Variants in DLG1 observed in about 807,000 individuals in gnomAD.
The protein encoded by DLG1 is discs large MAGUK scaffold protein 1.
Under a neutral mutation model 123.4 loss-of-function variants are expected in DLG1, and 42 were observed. The observed-to-expected ratio is 0.34, with a 90% CI of 0.27 to 0.44. The LOEUF is 0.44. Among genes scored for constraint, DLG1 ranks in the 20% least tolerant of loss-of-function variants. The pLI is 1.00. For synonymous variants in DLG1, 317 were observed against 356.2 expected (o/e 0.89, Z 1.24); for missense variants, 942 against 1,082.6 (o/e 0.87, Z 1.82).
At chr3:197,115,767 T>C (rs1040428709) in intron 13 of DLG1, among the ~76,000 whole-genome samples, 160 bp downstream of exon 13, 8 of 152,212 alleles carry the variant, frequency 5.3e-5, no homozygotes, top group African/African-American at 1.4e-4. Context: ...TATTATATAA[T>C]ATGTTCTCTG....
At chr3:197,247,333 G>A (rs551509645) in intron 4 of DLG1, among the ~76,000 whole-genome samples, 1 of 152,302 alleles carries the variant, frequency 6.6e-6, no homozygotes, top group African/African-American at 2.4e-5. Context: ...AACTGAGTGA[G>A]GAGATTCCTG....
intron 5 of DLG1, among the ~76,000 whole-genome samples, chr3:197,184,825 A>T (rs1714852200): frequency 6.6e-6 from 1 of 152,232 alleles, no homozygotes; most frequent in Admixed American, 6.5e-5. Context: ...ACCAAATACT[A>T]TCACCTGATT....
chr3:197,221,063 C>T (rs114928475), intron 4 of DLG1, among the ~76,000 whole-genome samples: 6,408 of 152,124 alleles, frequency 0.042, 185 homozygotes, highest in Non-Finnish European at 0.056. Context: ...CTTAAGTTAC[C>T]TATTAGTGCT....
At chr3:197,131,030 T>A (rs531078964) in intron 10 of DLG1, among the ~76,000 whole-genome samples, 1 of 152,350 alleles carries the variant, frequency 6.6e-6, no homozygotes, top group East Asian at 1.9e-4. Flanking sequence ...TTAGGATTTT[T>A]AATGTAAGGT....
chr3:197,283,435 T>C (rs1770330310), intron 3 of DLG1, among the ~76,000 whole-genome samples: 1 of 152,322 alleles, frequency 6.6e-6, no homozygotes, highest in East Asian at 1.9e-4. Context: ...TATTTTATAA[T>C]AGTAAATTAA....
chr3:197,235,742 A>G (rs901917682), intron 4 of DLG1, among the ~76,000 whole-genome samples: 8 of 152,258 alleles, frequency 5.3e-5, no homozygotes, highest in African/African-American at 1.7e-4. Flanking sequence ...CTGGGATCCA[A>G]TGAAAAATAA....
intron 18 of DLG1, among the ~76,000 whole-genome samples, chr3:197,075,148 G>T (rs1011186233): frequency 6.6e-6 from 1 of 151,480 alleles, no homozygotes; most frequent in Non-Finnish European, 1.5e-5. Context: ...AACATTTATT[G>T]AATGTCTTCT....
chr3:197,156,992 C>A (rs545420648), intron 5 of DLG1, among the ~76,000 whole-genome samples: 110 of 152,252 alleles, frequency 7.2e-4, no homozygotes, highest in African/African-American at 2.6e-3. Context: ...TTCTCAAGTG[C>A]ACATGGGAAT....
At chr3:197,250,652 G>A (rs924984876) in intron 4 of DLG1, among the ~76,000 whole-genome samples, 11 of 151,706 alleles carry the variant, frequency 7.3e-5, no homozygotes, top group Admixed American at 5.9e-4. Context: ...AATATAAAGT[G>A]TATGGGAATC....
chr3:197,182,957 G>A (rs969489324), intron 5 of DLG1, among the ~76,000 whole-genome samples: 1 of 151,784 alleles, frequency 6.6e-6, no homozygotes, highest in Non-Finnish European at 1.5e-5. Context: ...TTGACTATGT[G>A]AAAAAATATT....
chr3:197,070,790 T>C (rs1278418376), intron 18 of DLG1: 4 of 151,986 alleles, frequency 2.6e-5, no homozygotes, highest in African/African-American at 4.8e-5. Flanking sequence ...CAGGCTGATA[T>C]TGAACCTCTG....
chr3:197,297,200 G>A lies in DLG1; in HGVS notation c.5C>T (p.Pro2Leu). Residue 2 changes from proline (P) to leucine (L), a missense_variant, in exon 2 of 25, where the codon CCG becomes CTG. By Grantham distance (98) the Pro-to-Leu change is moderately conservative. Coordinates refer to ENST00000667157, the MANE Select transcript of DLG1 (RefSeq NM_001366207.1). ...TAAACTCTCACCTTGCTTCCGGACC[G>A]GCATTTTTCTCCAGAATCAGGAAGA... M[P>L]VRKQDTQRAL... 3.1e-6 allele frequency: 5 copies of A among 1,614,026 alleles called. No homozygotes were observed. Among genetic ancestry groups the A allele is most frequent in the Middle Eastern group, 1.6e-4 (1 of 6,062 alleles).
intron 4 of DLG1, among the ~76,000 whole-genome samples, chr3:197,219,142 AG>A (rs1486930940): frequency 9.2e-5 from 14 of 151,968 alleles, no homozygotes; most frequent in African/African-American, 3.1e-4. Context: ...AAAAAAAAGA[AG>A]AAAAAAAAAA....
chr3:197,075,952 T>C (rs1048602051), intron 18 of DLG1: 16 of 1,252,560 alleles, frequency 1.3e-5, no homozygotes, highest in Non-Finnish European at 1.8e-5. Context: ...AAATTGGTGC[T>C]ACAGTAAGAG....
At chr3:197,269,382 T>C (rs1459684172) in intron 4 of DLG1, among the ~76,000 whole-genome samples, 2 of 152,206 alleles carry the variant, frequency 1.3e-5, no homozygotes, top group African/African-American at 4.8e-5. Context: ...CAAAACATCA[T>C]CATACCACAT....
In DLG1 at chr3:197,296,409, GCTGT is replaced by G; in HGVS notation, c.84_87del (p.Arg28SerfsTer6). ...ATAACCCGTTCTATGGAACTTCTGA[GCTGT>G]CTGTCTTCAGTTTGGCTTAGTTTTG... On this transcript the variant is annotated frameshift_variant, in exon 3 of 25. Coordinates refer to ENST00000667157, the MANE Select transcript of DLG1 (RefSeq NM_001366207.1). LOFTEE classifies it high-confidence loss of function. The G allele has an allele frequency of 1.2e-6, 2 of 1,613,316 alleles. No individual in the cohort carries two copies. Among genetic ancestry groups the G allele is most frequent in the South Asian group, 1.1e-5 (1 of 91,062 alleles).
At chr3:197,297,553 G>C in intron 1 of DLG1, 1 of 1,076,498 alleles carries the variant, frequency 9.3e-7, no homozygotes. Flanking sequence ...CCTGCTACTG[G>C]GTACGGGCGG....
intron 4 of DLG1, among the ~76,000 whole-genome samples, chr3:197,207,985 T>C (rs542419596): frequency 7.0e-6 from 1 of 142,914 alleles, no homozygotes; most frequent in African/African-American, 2.5e-5. Context: ...CGAAAAAAAA[T>C]TGTAACTTAA....
chr3:197,251,425 C>T (rs527981646), intron 4 of DLG1, among the ~76,000 whole-genome samples: 26 of 152,070 alleles, frequency 1.7e-4, no homozygotes, highest in Admixed American at 9.2e-4. Flanking sequence ...CAAATAAGCA[C>T]GGTACTGGAA....
Sources: gnomAD v4.1 joint callset for allele counts (sites outside exome capture counted in the v4.1 genomes callset) on GRCh38, gnomAD v4.1.1 for gene constraint, MANE v1.5 for transcripts, NCBI Gene and HGNC (gene_info 2026-07-23, HGNC 2026-07-21) for gene names.